SLC24A4: variants seen among roughly 807,000 people sequenced by gnomAD.
The protein encoded by SLC24A4 is sodium/potassium/calcium exchanger 4.
In SLC24A4, 53 loss-of-function variants were observed where a neutral mutation model predicts 79.0. The ratio of observed to expected loss-of-function variants is 0.67; its 90% CI spans 0.54 to 0.84. The LOEUF (loss-of-function observed/expected upper bound fraction) is 0.84. SLC24A4 is among the 40% of genes least tolerant of loss of function. SLC24A4 has a pLI of 0.00. For missense variants in SLC24A4, 731 were observed against 822.0 expected (o/e 0.89, Z 1.35); for synonymous variants, 323 against 323.8 (o/e 1.00, Z 0.03).
intron 8 of SLC24A4, among the ~76,000 whole-genome samples, chr14:92,446,136 C>A (rs981192541): frequency 6.6e-6 from 1 of 151,736 alleles, no homozygotes; most frequent in South Asian, 2.1e-4. Context: ...TAAAAATTTT[C>A]TTTTGATTGC....
chr14:92,468,817 A>G (rs1894264480), intron 12 of SLC24A4, among the ~76,000 whole-genome samples: 3 of 152,230 alleles, frequency 2.0e-5, no homozygotes, highest in Admixed American at 2.0e-4. Flanking sequence ...AAACATAGGT[A>G]TACATATTTG....
At chr14:92,445,181 C>A in intron 7 of SLC24A4, 136 bp from the exon 8 acceptor site, 1 of 943,052 alleles carries the variant, frequency 1.1e-6, no homozygotes, top group Non-Finnish European at 1.7e-6. Context: ...CGTAGGTGAG[C>A]AGCTCAGAAA....
At chr14:92,449,051 C>T in intron 9 of SLC24A4, 23 bp from the exon 10 acceptor site, 3 of 1,613,420 alleles carry the variant, frequency 1.9e-6, no homozygotes, top group Non-Finnish European at 2.5e-6. Flanking sequence ...TTGCCCTGAC[C>T]TCCTGCCTCC....
chr14:92,443,337 G>A, intron 6 of SLC24A4, 63 bp from the exon 7 acceptor site: 1 of 1,533,070 alleles, frequency 6.5e-7, no homozygotes, highest in Non-Finnish European at 9.0e-7. Flanking sequence ...AGGAGGCCTG[G>A]GCAGCTGCAC....
intron 3 of SLC24A4, among the ~76,000 whole-genome samples, chr14:92,438,688 G>A (rs569667405): frequency 1.3e-5 from 2 of 152,298 alleles, no homozygotes; most frequent in African/African-American, 2.4e-5. Context: ...GCGCTTCCAC[G>A]CCTTCCCTAA....
At position 92,430,156 on chromosome 14, in the gene SLC24A4, T is replaced by G. The variant is rs1891782727; in HGVS notation, c.242-3756T>G. On this transcript the variant is annotated intron_variant, in intron 2 of 16. Transcript: ENST00000532405. Reference sequence around the variant, plus strand: ...ATAACCTTCCACCTTCTGAGTAACTTTGCCTTTCCCCAAAAGTCAAGCCAC... The same window carrying G: ...ATAACCTTCCACCTTCTGAGTAACTGTGCCTTTCCCCAAAAGTCAAGCCAC... Among the ~76,000 whole-genome samples, 3 of 152,182 alleles carry G rather than the reference T, an allele frequency of 2.0e-5. 1 individual carries two copies. The highest frequency in any genetic ancestry group is 2.0e-4 in the Admixed American group (3 of 15,282).
chr14:92,401,869 C>T (rs1474627401), intron 2 of SLC24A4, among the ~76,000 whole-genome samples: 2 of 152,290 alleles, frequency 1.3e-5, no homozygotes, highest in South Asian at 2.1e-4. Context: ...CCAGCCTTTT[C>T]TTGGTGTCCA....
intron 2 of SLC24A4, among the ~76,000 whole-genome samples, chr14:92,417,020 A>G (rs1004302033): frequency 6.6e-6 from 1 of 152,188 alleles, no homozygotes; most frequent in Admixed American, 6.5e-5. Flanking sequence ...TATATGTAAG[A>G]CCTGGAAATA....
intron 2 of SLC24A4, among the ~76,000 whole-genome samples, chr14:92,348,348 G>A (rs974303294): frequency 6.6e-6 from 1 of 152,180 alleles, no homozygotes; most frequent in Admixed American, 6.5e-5. Context: ...TAAGTCAGAG[G>A]TCAACAAACT....
chr14:92,372,454 G>T (rs1333545970), intron 2 of SLC24A4, among the ~76,000 whole-genome samples: 1 of 152,098 alleles, frequency 6.6e-6, no homozygotes, highest in African/African-American at 2.4e-5. Flanking sequence ...CCTGGGCTGG[G>T]TGTGGTGGGT....
At chr14:92,326,052 G>A (rs903385015) in intron 2 of SLC24A4, 74 bp downstream of exon 2, 41 of 1,048,476 alleles carry the variant, frequency 3.9e-5, no homozygotes, top group Non-Finnish European at 5.6e-5. Flanking sequence ...TTATGTGGGT[G>A]GTTACAGCCA....
intron 2 of SLC24A4, among the ~76,000 whole-genome samples, chr14:92,423,319 A>G (rs1891389604): frequency 6.6e-6 from 1 of 151,702 alleles, no homozygotes; most frequent in African/African-American, 2.4e-5. Context: ...TAATTTTTGT[A>G]TTTTTAGTAG....
At chr14:92,391,173 C>G (rs1889440247) in intron 2 of SLC24A4, among the ~76,000 whole-genome samples, 1 of 152,222 alleles carries the variant, frequency 6.6e-6, no homozygotes, top group Admixed American at 6.5e-5. Flanking sequence ...TCAGCCACCA[C>G]TCTCCATGGG....
intron 12 of SLC24A4, among the ~76,000 whole-genome samples, chr14:92,465,374 A>G (rs1454754971): frequency 6.6e-6 from 1 of 152,196 alleles, no homozygotes; most frequent in Non-Finnish European, 1.5e-5. Context: ...GTGAGATGCA[A>G]AGCGGGCCTT....
intron 3 of SLC24A4, 69 bp from the exon 4 acceptor site, chr14:92,439,266 T>C: frequency 7.4e-7 from 1 of 1,344,084 alleles, no homozygotes; most frequent in Non-Finnish European, 1.1e-6. Flanking sequence ...TGGTTTGGGG[T>C]GTGGTGGGCC....
intron 12 of SLC24A4, among the ~76,000 whole-genome samples, chr14:92,464,975 C>T (rs982025966): frequency 6.6e-6 from 1 of 152,144 alleles, no homozygotes; most frequent in African/African-American, 2.4e-5. Flanking sequence ...CCTGCTCTGG[C>T]CCCAGCACCG....
intron 2 of SLC24A4, among the ~76,000 whole-genome samples, chr14:92,372,515 A>G (rs1888225179): frequency 6.6e-6 from 1 of 151,894 alleles, no homozygotes; most frequent in South Asian, 2.1e-4. Context: ...ATGGGTAGGG[A>G]CTTCTCCCAT....
intron 2 of SLC24A4, among the ~76,000 whole-genome samples, chr14:92,356,026 A>G (rs1397589445): frequency 1.3e-5 from 2 of 152,200 alleles, no homozygotes; most frequent in East Asian, 1.9e-4. Flanking sequence ...TAGAAACCAT[A>G]CTTTGAGAAC....
chr14:92,342,632 C>G (rs765704202), intron 2 of SLC24A4, among the ~76,000 whole-genome samples: 10 of 152,198 alleles, frequency 6.6e-5, no homozygotes, highest in Admixed American at 2.0e-4. Flanking sequence ...ATCCACCCGC[C>G]TCGGCCTCCC....
Sources: gnomAD v4.1 joint callset for allele counts (sites outside exome capture counted in the v4.1 genomes callset) on GRCh38, gnomAD v4.1.1 for gene constraint, MANE v1.5 for transcripts, NCBI Gene and HGNC (gene_info 2026-07-23, HGNC 2026-07-21) for gene names.